POSTN: variants seen among roughly 807,000 people sequenced by gnomAD.
POSTN encodes the protein osteoblast specific factor 2 (fasciclin I-like).
In POSTN, 71 loss-of-function variants were observed where a neutral mutation model predicts 104.5. The observed-to-expected ratio is 0.68, with a 90% CI of 0.56 to 0.83. POSTN has a LOEUF of 0.83. POSTN is among the 40% of genes least tolerant of loss of function. POSTN has a pLI of 0.00. For synonymous variants in POSTN, 355 were observed against 340.7 expected (o/e 1.04, Z -0.46); for missense variants, 949 against 1,006.8 (o/e 0.94, Z 0.78).
intron 21 of POSTN, among the ~76,000 whole-genome samples, chr13:37,567,007 C>A (rs1003334147): frequency 2.0e-5 from 3 of 151,096 alleles, no homozygotes; most frequent in Non-Finnish European, 4.4e-5. Flanking sequence ...GAGGCCGAGG[C>A]GGGCGGATCA....
At chr13:37,590,745 G>A (rs1025252571) in intron 3 of POSTN, among the ~76,000 whole-genome samples, 7 of 139,790 alleles carry the variant, frequency 5.0e-5, no homozygotes, top group Admixed American at 7.2e-5. Context: ...TTTGTGTTGA[G>A]GAAAAAAAAA....
At chr13:37,567,756 T>C (rs957219530) in intron 21 of POSTN, among the ~76,000 whole-genome samples, 10 of 152,180 alleles carry the variant, frequency 6.6e-5, no homozygotes, top group African/African-American at 2.4e-4. Context: ...GTTCATTAAC[T>C]AAAAATTGAA....
intron 9 of POSTN, 113 bp from the exon 10 acceptor site, chr13:37,582,627 G>C (rs868643473): frequency 1.0e-6 from 1 of 997,748 alleles, no homozygotes; most frequent in South Asian, 1.8e-5. Flanking sequence ...TGATATCATG[G>C]ATTTTGCACT....
At chr13:37,571,198 T>C (rs1950252822) in intron 18 of POSTN, 171 bp downstream of exon 18, 1 of 513,806 alleles carries the variant, frequency 1.9e-6, no homozygotes, top group Non-Finnish European at 3.4e-6. Context: ...AAGCTAACTA[T>C]GTTTTATTTC....
Position 37,579,252 on chromosome 13 carries a change from C to T in POSTN, c.1768G>A (p.Gly590Arg), listed in dbSNP as rs1042873941. The T allele has an allele frequency of 1.9e-6, 3 of 1,610,796 alleles. No homozygotes were observed. The highest frequency in any genetic ancestry group is 2.7e-5 in the African/African-American group (2 of 74,844). Residue 590 changes from glycine to arginine, a missense_variant, in exon 13 of 23, where the codon GGA becomes AGA. By Grantham distance (125) the Gly-to-Arg change is moderately radical. Coordinates refer to ENST00000379747, the MANE Select transcript of POSTN (RefSeq NM_006475.3). ...ACTTCTTTCAGAAAGATTTTGCTTC[C>T]TTGTGTGGTCTTTAAAATGTTAGTA... ...GVTNILKTTQ[G>R]SKIFLKEVND...
chr13:37,569,884 CAG>C (rs1257765050), intron 19 of POSTN, 63 bp from the exon 20 acceptor site: 2 of 1,118,082 alleles, frequency 1.8e-6, no homozygotes, highest in Non-Finnish European at 2.7e-6. Flanking sequence ...TGCGAAGTGA[CAG>C]AGAGTAAGTA....
chr13:37,578,838 T>C lies in POSTN; in HGVS notation c.1962+6A>G. On this transcript the variant is annotated splice_donor_region_variant and intron_variant, in intron 15 of 22. Coordinates refer to ENST00000379747, the MANE Select transcript of POSTN (RefSeq NM_006475.3). ...AAAAAGAAATAAATCAAGTAACTTT[T>C]AGTACCTTAATTTGGATGTATTTGA... 5.8e-6 allele frequency: 9 copies of C among 1,562,846 alleles called. No homozygotes were observed. Among genetic ancestry groups the C allele is most frequent in the Non-Finnish European group, 7.8e-6 (9 of 1,161,172 alleles).
In POSTN at chr13:37,590,457, GC is replaced by G. The variant is rs778839575; in HGVS notation, c.355del (p.Ala119ProfsTer4). On this transcript the variant is annotated frameshift_variant, in exon 4 of 23. Coordinates refer to ENST00000379747, the MANE Select transcript of POSTN (RefSeq NM_006475.3). LOFTEE classifies it high-confidence loss of function. ...GATTTQRYSD[A>X]SKLREEIEGK... ...CTCGATCTCCTCCCTCAGTTTTGAG[GC>G]GTCAGAATAGCGCTGCGTTGTGGTG... 4.3e-6 allele frequency: 7 copies of G among 1,613,536 alleles called. No homozygotes were observed. The highest frequency in any genetic ancestry group is 5.9e-6 in the Non-Finnish European group (7 of 1,179,680).
chr13:37,563,286 T>G lies in POSTN; in HGVS notation c.*47A>C. ...GCTCTCACAATTTTCTAAGGTCAGG[T>G]TATTGACTTAGGGTTGTATAAACAT... On this transcript the variant is annotated 3_prime_UTR_variant, in exon 23 of 23. Transcript: ENST00000379747. 7.2e-7 allele frequency: 1 copy of G among 1,398,394 alleles called. No individual in the cohort carries two copies. The highest frequency in any genetic ancestry group is 2.3e-5 in the East Asian group (1 of 42,976). 86.6% of individuals were successfully genotyped at this position (1,398,394 alleles called of 1,614,324 possible).
chr13:37,583,165 G>A (rs1160542398), intron 9 of POSTN, among the ~76,000 whole-genome samples: 1 of 151,958 alleles, frequency 6.6e-6, no homozygotes, highest in East Asian at 1.9e-4. Context: ...ATCTGAACAT[G>A]GTCTGTGAAT....
rs1056211130 is a variant in POSTN at position 37,584,042 on chromosome 13, T to C, written c.1170A>G (p.Gln390=). 5.0e-6 allele frequency: 8 copies of C among 1,613,900 alleles called. No individual in the cohort carries two copies. Among genetic ancestry groups the C allele is most frequent in the Admixed American group, 3.3e-5 (2 of 59,968 alleles). The part of the protein sequence containing the change: ...QQTTFTDLVA[Q]LGLASALRPD... ...GCCTCAGAGCAGATGCCAAGCCTAA[T>C]TGGGCCACAAGATCCGTGAAGGTGG... Residue 390 remains glutamine (Q), a synonymous_variant, in exon 9 of 23, where the codon CAA becomes CAG. Coordinates refer to ENST00000379747, the MANE Select transcript of POSTN (RefSeq NM_006475.3).
chr13:37,577,801 G>A lies in POSTN; in HGVS notation c.1963-3C>T. 6.2e-7 allele frequency: 1 copy of A among 1,613,288 alleles called. No individual in the cohort carries two copies. Among genetic ancestry groups the A allele is most frequent in the Non-Finnish European group, 8.5e-7 (1 of 1,179,556 alleles). ...TTGAAGGTGCTACCACGAACAAACTGAAAATAAATGTTTATATTTAGTAAC... is the reference window on the plus strand; with the variant it reads ...TTGAAGGTGCTACCACGAACAAACTAAAAATAAATGTTTATATTTAGTAAC... On this transcript the variant is annotated splice_polypyrimidine_tract_variant and splice_region_variant and intron_variant, in intron 15 of 22. Coordinates refer to ENST00000379747, the MANE Select transcript of POSTN (RefSeq NM_006475.3).
rs1253649212 is a variant in POSTN at position 37,590,247 on chromosome 13, G to T, written c.441+125C>A. The stretch of plus-strand genomic sequence containing the variant: ...CTTCCCTTAATAACTCATCCCTTTA[G>T]GTATTCTCATATATGTACAATAGAA... On this transcript the variant is annotated intron_variant, in intron 4 of 22. Transcript: ENST00000379747. 7.6e-6 allele frequency: 5 copies of T among 660,868 alleles called. No individual in the cohort carries two copies. In the Admixed American group the frequency reaches 1.7e-4, roughly 22 times the overall value. The allele number at this position is 660,868 out of a possible 1,614,324, so 40.9% of individuals were successfully genotyped here.
At chr13:37,587,190 A>G (rs1334572093) in intron 5 of POSTN, among the ~76,000 whole-genome samples, 1 of 152,110 alleles carries the variant, frequency 6.6e-6, no homozygotes, top group African/African-American at 2.4e-5. Context: ...TGTTTTTTTC[A>G]TTTAAATTAT....
In POSTN at chr13:37,583,952, C is replaced by T. The variant is rs2138303677; in HGVS notation, c.1243+17G>A. The T allele has an allele frequency of 6.2e-7, 1 of 1,603,846 alleles. No individual in the cohort carries two copies. The highest frequency in any genetic ancestry group is 8.5e-7 in the Non-Finnish European group (1 of 1,173,772). ...GTGTGTAGGCAGAGAGCAGGAACAA[C>T]AGTGTCCAGCACATACCAGAAAATG... On this transcript the variant is annotated intron_variant, in intron 9 of 22. Transcript: ENST00000379747.
chr13:37,584,983 C>T (rs1021613219), intron 7 of POSTN, 55 bp from the exon 8 acceptor site: 2 of 1,593,520 alleles, frequency 1.3e-6, no homozygotes, highest in Admixed American at 3.4e-5. Flanking sequence ...TAACATTTGA[C>T]CCTGAAAAGA....
chr13:37,563,120 C>T lies in POSTN; in HGVS notation c.*213G>A. The T allele has an allele frequency of 2.9e-6, 1 of 341,584 alleles. No homozygotes were observed. The highest frequency in any genetic ancestry group is 5.2e-6 in the Non-Finnish European group (1 of 191,124). 21.2% of individuals were successfully genotyped at this position (341,584 alleles called of 1,614,324 possible). A position where few individuals can be genotyped will look rare whatever the true frequency, so the allele number is the denominator to read the frequency against. On this transcript the variant is annotated 3_prime_UTR_variant, in exon 23 of 23. Transcript: ENST00000379747. ...AAAAGGGTGTAAGGTGTTATATTTTCTTCAATTCCTTTACCACAGGAGGCT... is the reference window on the plus strand; with the variant it reads ...AAAAGGGTGTAAGGTGTTATATTTTTTTCAATTCCTTTACCACAGGAGGCT...
At chr13:37,580,890 G>GT (rs1418538956) in intron 10 of POSTN, among the ~76,000 whole-genome samples, 193 bp from the exon 11 acceptor site, 4 of 152,100 alleles carry the variant, frequency 2.6e-5, no homozygotes, top group Admixed American at 1.3e-4. Context: ...ATCTAGCCGG[G>GT]TTTTTTATTA....
chr13:37,570,642 A>G lies in POSTN; in HGVS notation c.2207T>C (p.Ile736Thr), dbSNP rs1236234107. 1.2e-6 allele frequency: 2 copies of G among 1,607,506 alleles called. No individual in the cohort carries two copies. The highest frequency in any genetic ancestry group is 1.7e-6 in the Non-Finnish European group (2 of 1,174,652). The change falls in exon 19 of 23, where the codon ATC becomes ACC. Residue 736 changes from isoleucine to threonine, a missense_variant. Coordinates refer to ENST00000379747, the MANE Select transcript of POSTN (RefSeq NM_006475.3). ...TATTTCCACAGGCACTCCATCAATG[A>G]TTTTGGTGTATTTTTTAATAATTGG... ...GEPIIKKYTK[I>T]IDGVPVEITE... is the part of the protein sequence containing the mutation.
Sources: gnomAD v4.1 joint callset for allele counts (sites outside exome capture counted in the v4.1 genomes callset) on GRCh38, gnomAD v4.1.1 for gene constraint, MANE v1.5 for transcripts, NCBI Gene and HGNC (gene_info 2026-07-23, HGNC 2026-07-21) for gene names.